The following HCN1 variants were observed in gnomAD, a reference collection of about 807,000 sequenced individuals.
HCN1 encodes hyperpolarization activated cyclic nucleotide gated potassium channel 1.
In HCN1, 13 loss-of-function variants were observed where a neutral mutation model predicts 78.9. The observed-to-expected ratio is 0.16, with a 90% CI of 0.11 to 0.26. The LOEUF (loss-of-function observed/expected upper bound fraction) is 0.26. Ranked by LOEUF, HCN1 falls within the 10% of genes least tolerant of loss-of-function variation. HCN1 has a pLI of 1.00. For missense variants in HCN1, 810 were observed against 1,154.3 expected (o/e 0.70, Z 4.32); for synonymous variants, 552 against 455.5 (o/e 1.21, Z -2.70).
At chr5:45,264,880 T>G (rs961878222) in intron 7 of HCN1, among the ~76,000 whole-genome samples, 13 of 152,148 alleles carry the variant, frequency 8.5e-5, no homozygotes, top group Non-Finnish European at 1.2e-4. Flanking sequence ...AACCATTTCA[T>G]GTAAATATTG....
At chr5:45,640,831 TTAAC>T (rs1225434474) in intron 2 of HCN1, among the ~76,000 whole-genome samples, 1 of 150,400 alleles carries the variant, frequency 6.6e-6, no homozygotes, top group Non-Finnish European at 1.5e-5. Context: ...GCACCCAGCC[TTAAC>T]TATGATTTTT....
intron 3 of HCN1, among the ~76,000 whole-genome samples, chr5:45,422,663 C>T (rs186338640): frequency 5.8e-4 from 89 of 152,244 alleles, no homozygotes; most frequent in African/African-American, 1.8e-3. Context: ...GCTTAGGGCC[C>T]ACTTTTCTAA....
At chr5:45,571,525 A>C (rs1007842238) in intron 2 of HCN1, among the ~76,000 whole-genome samples, 2 of 152,160 alleles carry the variant, frequency 1.3e-5, no homozygotes, top group Non-Finnish European at 2.9e-5. Context: ...AAGAACCTGG[A>C]TGCTTCATGG....
At chr5:45,591,962 A>G (rs1367217082) in intron 2 of HCN1, among the ~76,000 whole-genome samples, 1 of 151,548 alleles carries the variant, frequency 6.6e-6, no homozygotes, top group Non-Finnish European at 1.5e-5. Flanking sequence ...GTTAATTTTC[A>G]TGAAGAGTGT....
chr5:45,373,012 AAT>A (rs1300111876), intron 4 of HCN1, among the ~76,000 whole-genome samples: 1 of 138,272 alleles, frequency 7.2e-6, no homozygotes, highest in African/African-American at 2.6e-5. Context: ...AATTATATAA[AAT>A]ATATATATTT....
At chr5:45,616,590 G>A (rs1744960029) in intron 2 of HCN1, among the ~76,000 whole-genome samples, 1 of 151,960 alleles carries the variant, frequency 6.6e-6, no homozygotes, top group Admixed American at 6.6e-5. Flanking sequence ...ATTCAGTAAT[G>A]TTGGAAGTTG....
intron 2 of HCN1, among the ~76,000 whole-genome samples, chr5:45,472,121 C>A (rs1193245993): frequency 6.6e-6 from 1 of 151,854 alleles, no homozygotes; most frequent in East Asian, 1.9e-4. Context: ...TGTAGGTATT[C>A]CAAGCTTAAG....
chr5:45,576,990 ATGTCTC>A (rs1160915076), intron 2 of HCN1, among the ~76,000 whole-genome samples: 2 of 151,918 alleles, frequency 1.3e-5, no homozygotes, highest in Non-Finnish European at 2.9e-5. Flanking sequence ...AATGTTTTTG[ATGTCTC>A]TGTACCAAAT....
rs140910811 is a variant in HCN1, at chr5:45,295,273, T to C, written c.1618+8326A>G. ...CACCTTTTTGTAACGTGGCTTAATA[T>C]TTTTAGTAATTTCCAGGTTTCTTTA... On this transcript the variant is annotated intron_variant, in intron 6 of 7. Coordinates refer to ENST00000303230, the MANE Select transcript of HCN1 (RefSeq NM_021072.4). Among the ~76,000 whole-genome samples, 746 of 152,168 alleles carry C rather than the reference T, an allele frequency of 4.9e-3. 3 individuals carry two copies. The highest frequency in any genetic ancestry group is 0.017 in the African/African-American group (716 of 41,562).
chr5:45,452,802 A>G (rs1271064036), intron 3 of HCN1, among the ~76,000 whole-genome samples: 2 of 152,012 alleles, frequency 1.3e-5, no homozygotes, highest in Non-Finnish European at 2.9e-5. Context: ...AAATTTACTC[A>G]TTACTCCAGA....
intron 2 of HCN1, among the ~76,000 whole-genome samples, chr5:45,466,301 G>A (rs971586856): frequency 4.6e-5 from 7 of 151,912 alleles, no homozygotes; most frequent in Admixed American, 1.3e-4. Flanking sequence ...GTTCTATTTT[G>A]TCTTCCTTAA....
At chr5:45,304,070 T>C (rs1425028863) in intron 5 of HCN1, among the ~76,000 whole-genome samples, 1 of 152,156 alleles carries the variant, frequency 6.6e-6, no homozygotes, top group East Asian at 1.9e-4. Flanking sequence ...TATTAAATAT[T>C]CGATAAATGT....
chr5:45,420,368 G>T (rs1340637798), intron 3 of HCN1, among the ~76,000 whole-genome samples: 1 of 152,098 alleles, frequency 6.6e-6, no homozygotes. Flanking sequence ...GAAGAATAGG[G>T]CAGCCAAGTG....
At position 45,257,243 on chromosome 5, in the gene HCN1, CAGA is replaced by C. The variant is rs1349940587; in HGVS notation, c.*4675_*4677del. 6.6e-6 allele frequency: 1 copy of C among 152,178 alleles called. No individual in the cohort carries two copies. The highest frequency in any genetic ancestry group is 1.5e-5 in the Non-Finnish European group (1 of 68,032). 9.4% of individuals were successfully genotyped at this position (152,178 alleles called of 1,614,324 possible). A position where few individuals can be genotyped will look rare whatever the true frequency, so the allele number is the denominator to read the frequency against. The stretch of plus-strand genomic sequence containing the variant: ...CTTTGCCCTGATGTTAAAAGCCTTT[CAGA>C]AGGTTTTTGAAATCCCTATTTCCCA... On this transcript the variant is annotated 3_prime_UTR_variant, in exon 8 of 8. Transcript: ENST00000303230.
intron 5 of HCN1, among the ~76,000 whole-genome samples, chr5:45,347,643 G>C (rs989324094): frequency 2.5e-4 from 38 of 152,144 alleles, no homozygotes; most frequent in Non-Finnish European, 5.1e-4. Flanking sequence ...TGTATAACTA[G>C]AATAACCAAT....
intron 4 of HCN1, among the ~76,000 whole-genome samples, chr5:45,383,467 G>A (rs890894820): frequency 2.6e-5 from 4 of 152,116 alleles, no homozygotes; most frequent in East Asian, 1.9e-4. Context: ...AGGCCGAGGC[G>A]GACGAATCAC....
intron 2 of HCN1, among the ~76,000 whole-genome samples, chr5:45,565,630 C>G (rs145549974): frequency 6.6e-6 from 1 of 151,888 alleles, no homozygotes; most frequent in Non-Finnish European, 1.5e-5. Flanking sequence ...TGAGACCAGC[C>G]TGGGCAACAT....
At chr5:45,373,048 A>G (rs866086917) in intron 4 of HCN1, among the ~76,000 whole-genome samples, 6 of 136,488 alleles carry the variant, frequency 4.4e-5, no homozygotes, top group South Asian at 2.2e-4. Flanking sequence ...TATATAAAAT[A>G]TAATATATAT....
At chr5:45,417,157 T>G (rs1740134949) in intron 3 of HCN1, among the ~76,000 whole-genome samples, 3 of 152,006 alleles carry the variant, frequency 2.0e-5, no homozygotes, top group African/African-American at 4.8e-5. Context: ...CCATTAAATA[T>G]TAGCAGATTG....
Sources: gnomAD v4.1 joint callset for allele counts (sites outside exome capture counted in the v4.1 genomes callset) on GRCh38, gnomAD v4.1.1 for gene constraint, MANE v1.5 for transcripts, NCBI Gene and HGNC (gene_info 2026-07-23, HGNC 2026-07-21) for gene names.